Variants in CNTNAP2 observed in about 807,000 individuals in gnomAD.
The protein encoded by CNTNAP2 is contactin-associated protein-like 2.
CNTNAP2 carries 98 observed loss-of-function variants against 155.2 expected under a neutral mutation model. The ratio of observed to expected loss-of-function variants is 0.63; its 90% CI spans 0.54 to 0.75. The LOEUF is 0.75. Ranked by LOEUF, CNTNAP2 falls within the 30% of genes least tolerant of loss-of-function variation. The pLI is 0.00. For missense variants in CNTNAP2, 1,727 were observed against 1,688.1 expected, an observed-to-expected ratio of 1.02 and a Z score of -0.40; for synonymous variants, 651 against 631.2, an observed-to-expected ratio of 1.03 and a Z score of -0.47.
intron 1 of CNTNAP2, among the ~76,000 whole-genome samples, chr7:146,175,595 C>T (rs371637468): frequency 1.4e-4 from 22 of 152,250 alleles, no homozygotes; most frequent in Admixed American, 9.2e-4. Context: ...TTAGAATCTA[C>T]GTGGAATCTT....
rs148563431 is a variant in CNTNAP2 at position 147,083,906 on chromosome 7, T to C, written c.551-24241T>C. Reference sequence around the variant, plus strand: ...CATATACACATGTATGTATATATTATATGCATATATACATATACACATGTA... The same window carrying C: ...CATATACACATGTATGTATATATTACATGCATATATACATATACACATGTA... On this transcript the variant is annotated intron_variant, in intron 4 of 23. Transcript: ENST00000361727. 2.1e-3 allele frequency among the ~76,000 whole-genome samples: 249 copies of C among 117,126 alleles called. 5 individuals are homozygous for C. The highest frequency in any genetic ancestry group is 5.9e-3 in the African/African-American group (216 of 36,838). 76.8% of individuals were successfully genotyped at this position (117,126 alleles called of 152,430 possible). A position where few individuals can be genotyped will look rare whatever the true frequency, so the allele number is the denominator to read the frequency against.
chr7:146,311,855 A>G (rs1490766152), intron 1 of CNTNAP2: 3 of 151,552 alleles, frequency 2.0e-5, no homozygotes, highest in African/African-American at 7.2e-5. Flanking sequence ...ATAAGAAGGA[A>G]AGTAGAACAT....
intron 5 of CNTNAP2, among the ~76,000 whole-genome samples, chr7:147,111,585 T>G (rs1004682174): frequency 6.6e-6 from 1 of 152,226 alleles, no homozygotes; most frequent in East Asian, 1.9e-4. Context: ...TTTCTGCATA[T>G]GACTAGCCAG....
chr7:146,301,557 C>T (rs774591216), intron 1 of CNTNAP2, among the ~76,000 whole-genome samples: 5 of 151,970 alleles, frequency 3.3e-5, no homozygotes, highest in Non-Finnish European at 7.4e-5. Flanking sequence ...ACCCGGGAGG[C>T]GGAGCTTGTA....
At chr7:147,613,285 A>G (rs1025585878) in intron 12 of CNTNAP2, among the ~76,000 whole-genome samples, 1 of 152,286 alleles carries the variant, frequency 6.6e-6, no homozygotes, top group South Asian at 2.1e-4. Context: ...TGGTTTACCC[A>G]TTTGTAAATT....
chr7:147,782,008 G>A (rs928628224), intron 13 of CNTNAP2, among the ~76,000 whole-genome samples: 3 of 143,624 alleles, frequency 2.1e-5, no homozygotes, highest in Non-Finnish European at 3.0e-5. Context: ...GGGCGACAGA[G>A]CAAGATTCCG....
At chr7:146,450,892 T>G (rs569665803) in intron 1 of CNTNAP2, among the ~76,000 whole-genome samples, 1 of 152,284 alleles carries the variant, frequency 6.6e-6, no homozygotes, top group African/African-American at 2.4e-5. Context: ...GATTTCTTAT[T>G]TCATAATTTG....
chr7:146,182,499 T>A (rs1798563089), intron 1 of CNTNAP2, among the ~76,000 whole-genome samples: 1 of 152,202 alleles, frequency 6.6e-6, no homozygotes, highest in South Asian at 2.1e-4. Flanking sequence ...ATACATAGAA[T>A]GTGTTCTTCC....
intron 13 of CNTNAP2, among the ~76,000 whole-genome samples, chr7:147,849,089 A>G (rs1481852504): frequency 1.3e-5 from 2 of 152,236 alleles, no homozygotes; most frequent in East Asian, 3.9e-4. Context: ...GATTTAATAC[A>G]TCATTGAGAT....
At chr7:146,299,251 A>G (rs1584855587) in intron 1 of CNTNAP2, among the ~76,000 whole-genome samples, 1 of 152,164 alleles carries the variant, frequency 6.6e-6, no homozygotes, top group Admixed American at 6.5e-5. Flanking sequence ...AGCCTGGGCA[A>G]CACGAGCAAA....
intron 3 of CNTNAP2, among the ~76,000 whole-genome samples, chr7:147,004,523 GA>G (rs1374422200): frequency 6.6e-6 from 1 of 151,916 alleles, no homozygotes; most frequent in African/African-American, 2.4e-5. Flanking sequence ...TAAATTTCCG[GA>G]ATACCAAATA....
intron 9 of CNTNAP2, among the ~76,000 whole-genome samples, chr7:147,306,645 C>A (rs1218143670): frequency 6.6e-6 from 1 of 152,194 alleles, no homozygotes; most frequent in Admixed American, 6.5e-5. Context: ...TGTATCGTTA[C>A]ATTTGGGTCC....
intron 8 of CNTNAP2, among the ~76,000 whole-genome samples, chr7:147,248,387 T>C (rs761558609): frequency 6.6e-6 from 1 of 152,132 alleles, no homozygotes; most frequent in Non-Finnish European, 1.5e-5. Context: ...GACCTCCTAA[T>C]TGGTGTTCAG....
intron 9 of CNTNAP2, among the ~76,000 whole-genome samples, chr7:147,339,734 G>T (rs1187175228): frequency 2.6e-5 from 4 of 152,006 alleles, no homozygotes; most frequent in Admixed American, 2.6e-4. Flanking sequence ...CATTTAATGG[G>T]CTTATTTCCA....
rs542051523 is a variant in CNTNAP2, at chr7:147,169,957, A to C, written c.1348+37448A>C. ...TCTGTCATTTTATTAATAGTTATTT[A>C]AGATTGCTTAAGAACCATTGCTGAG... On this transcript the variant is annotated intron_variant, in intron 8 of 23. Transcript: ENST00000361727. Among the ~76,000 whole-genome samples, 43 of 152,124 alleles carry C rather than the reference A, an allele frequency of 2.8e-4. 1 individual carries two copies. Among genetic ancestry groups the C allele is most frequent in the African/African-American group, 1.0e-3 (42 of 41,484 alleles).
Position 147,408,863 on chromosome 7 carries a change from T to A in CNTNAP2, c.1670+13083T>A, listed in dbSNP as rs112678911. 7.1e-3 allele frequency among the ~76,000 whole-genome samples: 1,087 copies of A among 152,318 alleles called. 10 individuals carry two copies. Among genetic ancestry groups the A allele is most frequent in the African/African-American group, 0.025 (1,032 of 41,572 alleles). On this transcript the variant is annotated intron_variant, in intron 10 of 23. Transcript: ENST00000361727. ...ATTTTCAGGAAAATCAAGTTTTGCA[T>A]GACTAACACTTGTTCTGATTACCTG... is the stretch of plus-strand genomic sequence containing the variant.
At chr7:148,123,505 G>C (rs992528661) in intron 16 of CNTNAP2, among the ~76,000 whole-genome samples, 2 of 152,036 alleles carry the variant, frequency 1.3e-5, no homozygotes, top group African/African-American at 4.8e-5. Context: ...GCTGAGGCAG[G>C]AGAATCCCTC....
intron 10 of CNTNAP2, among the ~76,000 whole-genome samples, chr7:147,463,249 A>G (rs1463482202): frequency 2.0e-5 from 3 of 152,210 alleles, no homozygotes; most frequent in African/African-American, 7.2e-5. Flanking sequence ...GCTGTTTAAT[A>G]TATTTGGCCA....
intron 3 of CNTNAP2, among the ~76,000 whole-genome samples, chr7:146,998,651 T>G (rs998085345): frequency 7.9e-5 from 12 of 152,042 alleles, no homozygotes; most frequent in African/African-American, 2.9e-4. Context: ...TTACTCTTAG[T>G]GTATTTCAGC....
Sources: allele counts gnomAD v4.1 joint callset (sites outside exome capture counted in the v4.1 genomes callset), GRCh38; gene constraint gnomAD v4.1.1; transcripts MANE v1.5; gene names NCBI Gene and HGNC (gene_info 2026-07-23, HGNC 2026-07-21).